The following LHFPL6 variants were observed in gnomAD, a reference collection of about 807,000 sequenced individuals.
LHFPL6 encodes the protein LHFPL tetraspan subfamily member 6 protein.
A neutral mutation model predicts 20.6 loss-of-function variants in LHFPL6; 9 were observed. That is an observed-to-expected ratio of 0.44 (90% CI 0.26 to 0.76). The LOEUF (loss-of-function observed/expected upper bound fraction) is 0.76. Among genes scored for constraint, LHFPL6 ranks in the 30% least tolerant of loss-of-function variants. The pLI, the probability that LHFPL6 is intolerant of heterozygous loss-of-function variation, is 0.20. For synonymous variants in LHFPL6, 105 were observed against 98.7 expected (o/e 1.06, Z -0.38); for missense variants, 218 against 253.5 (o/e 0.86, Z 0.95).
intron 2 of LHFPL6, among the ~76,000 whole-genome samples, chr13:39,547,229 T>C (rs1434655103): frequency 6.6e-6 from 1 of 152,106 alleles, no homozygotes; most frequent in African/African-American, 2.4e-5. Context: ...CAAGCCCTTT[T>C]TACCTTTCTC....
At chr13:39,487,207 A>G (rs1369377954) in intron 2 of LHFPL6, among the ~76,000 whole-genome samples, 1 of 152,230 alleles carries the variant, frequency 6.6e-6, no homozygotes, top group Non-Finnish European at 1.5e-5. Context: ...CTATCAGTCA[A>G]TTTGGGCAAT....
intron 2 of LHFPL6, among the ~76,000 whole-genome samples, chr13:39,475,950 A>G (rs1169856041): frequency 6.6e-6 from 1 of 152,114 alleles, no homozygotes; most frequent in Non-Finnish European, 1.5e-5. Context: ...AGAGCTCCAC[A>G]ATGAAGGGAA....
At chr13:39,511,283 T>A (rs1277387525) in intron 2 of LHFPL6, among the ~76,000 whole-genome samples, 2 of 152,232 alleles carry the variant, frequency 1.3e-5, no homozygotes, top group African/African-American at 4.8e-5. Flanking sequence ...TAACATTTTG[T>A]CAAATTTGTT....
chr13:39,384,021 C>T (rs751871518), intron 2 of LHFPL6, among the ~76,000 whole-genome samples: 1 of 152,162 alleles, frequency 6.6e-6, no homozygotes, highest in Non-Finnish European at 1.5e-5. Context: ...CTACAAAAAA[C>T]GTTAAATCCC....
intron 2 of LHFPL6, among the ~76,000 whole-genome samples, chr13:39,520,179 CAG>C (rs1474156819): frequency 6.6e-6 from 1 of 152,154 alleles, no homozygotes; most frequent in African/African-American, 2.4e-5. Context: ...ACAGTTAGGG[CAG>C]ATGTAGACAT....
intron 3 of LHFPL6, among the ~76,000 whole-genome samples, chr13:39,359,832 C>A (rs1235088255): frequency 6.6e-6 from 1 of 152,020 alleles, no homozygotes; most frequent in Non-Finnish European, 1.5e-5. Context: ...GTGACTCTAA[C>A]ATACAAGGCT....
intron 2 of LHFPL6, among the ~76,000 whole-genome samples, chr13:39,477,053 C>G (rs1873101295): frequency 6.6e-6 from 1 of 152,132 alleles, no homozygotes; most frequent in South Asian, 2.1e-4. Context: ...ACTCACTGTC[C>G]TTCACTCCCT....
intron 2 of LHFPL6, among the ~76,000 whole-genome samples, chr13:39,379,076 AGCATCCAC>A (rs77250647): frequency 0.11 from 17,181 of 152,186 alleles, 1,045 homozygotes; most frequent in East Asian, 0.24. Context: ...AGAATCACTG[AGCATCCAC>A]GCATCTCAGA....
chr13:39,575,884 GAC>G (rs779311344), intron 2 of LHFPL6, among the ~76,000 whole-genome samples: 2 of 152,156 alleles, frequency 1.3e-5, no homozygotes, highest in Non-Finnish European at 2.9e-5. Context: ...TATCTGTGCT[GAC>G]ACGTCTGATT....
intron 2 of LHFPL6, among the ~76,000 whole-genome samples, chr13:39,435,062 CAAAAAAAA>C (rs55701240): frequency 1.6e-3 from 86 of 53,366 alleles, no homozygotes; most frequent in African/African-American, 6.6e-3. Flanking sequence ...GACTCCGTCT[CAAAAAAAA>C]AAAAAAAAAA....
intron 2 of LHFPL6, among the ~76,000 whole-genome samples, chr13:39,399,196 T>C (rs1044823580): frequency 1.3e-5 from 2 of 152,226 alleles, no homozygotes; most frequent in Non-Finnish European, 2.9e-5. Flanking sequence ...AGGGTCAATC[T>C]GGTTTATTCT....
chr13:39,576,087 C>T (rs1872105264), intron 2 of LHFPL6, among the ~76,000 whole-genome samples: 1 of 152,166 alleles, frequency 6.6e-6, no homozygotes, highest in Non-Finnish European at 1.5e-5. Flanking sequence ...TTTCGCTTAC[C>T]TCTTCCTGGG....
intron 2 of LHFPL6, among the ~76,000 whole-genome samples, chr13:39,589,218 T>C (rs1397428821): frequency 6.6e-6 from 1 of 152,178 alleles, no homozygotes; most frequent in Non-Finnish European, 1.5e-5. Context: ...GCGATTCTCC[T>C]GCCTCAGCCT....
At chr13:39,522,163 C>T (rs990523327) in intron 2 of LHFPL6, among the ~76,000 whole-genome samples, 1 of 152,222 alleles carries the variant, frequency 6.6e-6, no homozygotes, top group African/African-American at 2.4e-5. Flanking sequence ...GCACTTAGCA[C>T]TTACCATATG....
At chr13:39,581,597 CTTT>C (rs36025782) in intron 2 of LHFPL6, among the ~76,000 whole-genome samples, 2 of 141,122 alleles carry the variant, frequency 1.4e-5, no homozygotes, top group African/African-American at 5.2e-5. Flanking sequence ...CTCTCTCTCT[CTTT>C]TTTTTTTTTC....
chr13:39,352,391 C>T (rs1869591477), intron 3 of LHFPL6, among the ~76,000 whole-genome samples: 1 of 152,220 alleles, frequency 6.6e-6, no homozygotes, highest in Non-Finnish European at 1.5e-5. Flanking sequence ...TCCTAACTTT[C>T]ACCCAGAGAC....
chr13:39,571,376 A>C (rs1871910492), intron 2 of LHFPL6, among the ~76,000 whole-genome samples: 1 of 152,182 alleles, frequency 6.6e-6, no homozygotes, highest in South Asian at 2.1e-4. Context: ...CGTCATATCC[A>C]ACTTTGAGTG....
intron 2 of LHFPL6, among the ~76,000 whole-genome samples, chr13:39,524,040 A>G (rs1870206646): frequency 1.3e-5 from 2 of 152,236 alleles, no homozygotes; most frequent in African/African-American, 4.8e-5. Context: ...GCCCAATGCC[A>G]GCATGGTTAA....
At chr13:39,580,761 A>G (rs773271712) in intron 2 of LHFPL6, among the ~76,000 whole-genome samples, 1 of 152,220 alleles carries the variant, frequency 6.6e-6, no homozygotes, top group Non-Finnish European at 1.5e-5. Flanking sequence ...TAATATTACT[A>G]TTAGGACCTA....
Sources: gnomAD v4.1 joint callset for allele counts (sites outside exome capture counted in the v4.1 genomes callset) on GRCh38, gnomAD v4.1.1 for gene constraint, MANE v1.5 for transcripts, NCBI Gene and HGNC (gene_info 2026-07-23, HGNC 2026-07-21) for gene names.